MGAT5B: variants seen among roughly 807,000 people sequenced by gnomAD.
MGAT5B encodes alpha-1,6-mannosylglycoprotein 6-beta-N-acetylglucosaminyltransferase B.
Under a neutral mutation model 95.1 loss-of-function variants are expected in MGAT5B, and 54 were observed. That is an observed-to-expected ratio of 0.57 (90% CI 0.46 to 0.71). MGAT5B has a LOEUF of 0.71. Ranked by LOEUF, MGAT5B falls within the 30% of genes least tolerant of loss-of-function variation. MGAT5B has a pLI of 0.00. For synonymous variants in MGAT5B, 464 were observed against 451.0 expected (o/e 1.03, Z -0.36); for missense variants, 935 against 1,088.6 (o/e 0.86, Z 1.99).
rs1969433684 is a variant in MGAT5B, at chr17:76,930,119, C to T, written c.1292-2526C>T. 6.6e-6 allele frequency among the ~76,000 whole-genome samples: 1 copy of T among 152,102 alleles called. No homozygotes were observed. The highest frequency in any genetic ancestry group is 1.5e-5 in the Non-Finnish European group (1 of 68,026). On this transcript the variant is annotated intron_variant, in intron 10 of 17. Transcript: ENST00000569840. The surrounding 1 kb of genome is among the most constrained non-coding windows in gnomAD (Gnocchi z 4.1). ...GAGAGCTGTCCTGACCCTGACCACCCACAGAAAGAACTCCAGGCTTCCAGG... is the reference window on the plus strand; with the variant it reads ...GAGAGCTGTCCTGACCCTGACCACCTACAGAAAGAACTCCAGGCTTCCAGG...
At chr17:76,926,535 C>T in intron 9 of MGAT5B, 62 bp from the exon 10 acceptor site, 4 of 1,533,326 alleles carry the variant, frequency 2.6e-6, no homozygotes, top group Non-Finnish European at 3.5e-6. Flanking sequence ...GCTGGGGCAA[C>T]TTCAGCCCAG....
Position 76,915,906 on chromosome 17 carries a change from C to G in MGAT5B, c.1026-9060C>G, listed in dbSNP as rs1324823330. On this transcript the variant is annotated intron_variant, in intron 8 of 17. Coordinates refer to ENST00000569840, the MANE Select transcript of MGAT5B (RefSeq NM_001199172.2). The surrounding 1 kb of genome is among the most constrained non-coding windows in gnomAD (Gnocchi z 8.7). Reference sequence around the variant, plus strand: ...GCGGAGAGGCCTGGCAGCCAGACACCTGACCCAAGTTGGCTGGCGGTCAGA... The same window carrying G: ...GCGGAGAGGCCTGGCAGCCAGACACGTGACCCAAGTTGGCTGGCGGTCAGA... 1.3e-5 allele frequency among the ~76,000 whole-genome samples: 2 copies of G among 152,238 alleles called. No homozygotes were observed. Among genetic ancestry groups the G allele is most frequent in the Non-Finnish European group, 2.9e-5 (2 of 68,050 alleles).
intron 15 of MGAT5B, among the ~76,000 whole-genome samples, chr17:76,941,215 G>A (rs2145278896): frequency 6.6e-6 from 1 of 152,400 alleles, no homozygotes; most frequent in South Asian, 2.1e-4. Context: ...TGCTGCAGGT[G>A]TGGCTTTGCA....
intron 3 of MGAT5B, among the ~76,000 whole-genome samples, chr17:76,897,660 A>ACCTTTCTTTCTTT (rs1385091778): frequency 2.9e-5 from 2 of 69,386 alleles, no homozygotes; most frequent in Admixed American, 1.5e-4. Flanking sequence ...AAGTAAGGCC[A>ACCTTTCTTTCTTT]CTTTCTTTCT....
intron 8 of MGAT5B, chr17:76,914,000 CT>C (rs1458820517): frequency 2.9e-6 from 1 of 342,944 alleles, no homozygotes; most frequent in East Asian, 7.5e-5. Context: ...ACTCAGGCGA[CT>C]GAGGAAGGAG....
At chr17:76,948,495 TA>T in intron 17 of MGAT5B, 144 bp from the exon 18 acceptor site, 1 of 912,200 alleles carries the variant, frequency 1.1e-6, no homozygotes, top group African/African-American at 1.7e-5. Flanking sequence ...AAAGGAGCCG[TA>T]ACACATTTCC....
rs1405705476 is a variant in MGAT5B at position 76,946,676 on chromosome 17, C to T, written c.1923+226C>T. 2.0e-5 allele frequency among the ~76,000 whole-genome samples: 3 copies of T among 152,260 alleles called. No homozygotes were observed. The East Asian group carries it at 5.8e-4, about 29-fold the overall frequency. On this transcript the variant is annotated intron_variant, in intron 16 of 17. Coordinates refer to ENST00000569840, the MANE Select transcript of MGAT5B (RefSeq NM_001199172.2). The stretch of plus-strand genomic sequence containing the variant: ...ACTCCGGGCACTCCTGCTGTCTGGG[C>T]CCAGCCTTAGAGCCCAACTCCACGG...
chr17:76,946,101 C>G (rs577610192), intron 15 of MGAT5B: 1 of 366,822 alleles, frequency 2.7e-6, no homozygotes, highest in African/African-American at 2.2e-5. Flanking sequence ...GCTTTATCCT[C>G]ATTGCAGTTG....
chr17:76,936,545 C>A (rs114581201), intron 12 of MGAT5B, among the ~76,000 whole-genome samples: 2 of 152,104 alleles, frequency 1.3e-5, no homozygotes, highest in Non-Finnish European at 2.9e-5. Context: ...ACAAAGATTT[C>A]TTTCCTGTTT....
rs115985709 is a variant in MGAT5B at position 76,905,991 on chromosome 17, C to T, written c.856-27C>T. ...GGCTCAGAGCTGCTGCTCCTCTCTG[C>T]TGACCCTCTGTGTTCCGCCCACCCA... On this transcript the variant is annotated intron_variant, in intron 7 of 17. Coordinates refer to ENST00000569840, the MANE Select transcript of MGAT5B (RefSeq NM_001199172.2). The surrounding 1 kb of genome is among the most constrained non-coding windows in gnomAD (Gnocchi z 4.2). 3.9e-3 allele frequency: 6,108 copies of T among 1,575,808 alleles called. 92 individuals are homozygous for T. In the East Asian group the frequency reaches 0.047, roughly 12 times the overall value.
At chr17:76,909,489 C>T (rs1477223612) in intron 8 of MGAT5B, among the ~76,000 whole-genome samples, 2 of 152,248 alleles carry the variant, frequency 1.3e-5, no homozygotes, top group Non-Finnish European at 2.9e-5. Flanking sequence ...TGCCTACTCT[C>T]TTGCTGGTCT....
chr17:76,913,551 C>T (rs2145211334), intron 8 of MGAT5B: 1 of 373,988 alleles, frequency 2.7e-6, no homozygotes, highest in South Asian at 2.0e-5. Flanking sequence ...GGCATGGAGA[C>T]AGGGTCTTGG....
At position 76,889,516 on chromosome 17, in the gene MGAT5B, G is replaced by A. The variant is rs1054619029; in HGVS notation, c.329+7218G>A. The stretch of plus-strand genomic sequence containing the variant: ...GGTACCTTCACTGGGAGAGAGGCGT[G>A]TGGTTGGCAGGTCAGGGGCCTCTTT... On this transcript the variant is annotated intron_variant, in intron 3 of 17. Transcript: ENST00000569840. The surrounding 1 kb of genome is among the most constrained non-coding windows in gnomAD (Gnocchi z 4.4). Among the ~76,000 whole-genome samples the A allele has an allele frequency of 2.1e-4, 32 of 152,310 alleles. No individual in the cohort carries two copies. Among genetic ancestry groups the A allele is most frequent in the Admixed American group, 1.6e-3 (24 of 15,300 alleles).
intron 6 of MGAT5B, among the ~76,000 whole-genome samples, chr17:76,904,668 G>C (rs1023314958): frequency 6.6e-6 from 1 of 152,262 alleles, no homozygotes; most frequent in Admixed American, 6.5e-5. Flanking sequence ...TGCCCCCTTA[G>C]TGGACTAGAA....
intron 2 of MGAT5B, among the ~76,000 whole-genome samples, chr17:76,875,054 A>G (rs1475700885): frequency 6.6e-6 from 1 of 152,176 alleles, no homozygotes; most frequent in Non-Finnish European, 1.5e-5. Context: ...CAAGGACCAG[A>G]ACGTGATCAG....
At chr17:76,901,021 C>T (rs1456172152) in intron 3 of MGAT5B, among the ~76,000 whole-genome samples, 1 of 152,204 alleles carries the variant, frequency 6.6e-6, no homozygotes, top group Admixed American at 6.5e-5. Flanking sequence ...CCATTCCTGT[C>T]ATCTGCCTTT....
intron 9 of MGAT5B, 52 bp downstream of exon 9, chr17:76,925,149 G>T: frequency 1.9e-5 from 30 of 1,605,794 alleles, no homozygotes; most frequent in Non-Finnish European, 2.4e-5. Context: ...AGGGGAGAAA[G>T]CTCCTCCTTC....
chr17:76,920,903 T>C (rs1414940373), intron 8 of MGAT5B, among the ~76,000 whole-genome samples: 3 of 152,204 alleles, frequency 2.0e-5, no homozygotes, highest in African/African-American at 7.2e-5. Context: ...TCTACCACTT[T>C]GTGTATAGCT....
chr17:76,925,901 C>T (rs980944428), intron 9 of MGAT5B, among the ~76,000 whole-genome samples: 3 of 152,144 alleles, frequency 2.0e-5, no homozygotes, highest in African/African-American at 7.2e-5. Context: ...GGGGCTGTGG[C>T]CCATTGAGAA....
Sources: allele counts gnomAD v4.1 joint callset (sites outside exome capture counted in the v4.1 genomes callset), GRCh38; gene constraint gnomAD v4.1.1; non-coding constraint Gnocchi (gnomAD v3.1); transcripts MANE v1.5; gene names NCBI Gene and HGNC (gene_info 2026-07-23, HGNC 2026-07-21).